MEGF11: variants seen among roughly 807,000 people sequenced by gnomAD.
MEGF11 encodes the protein multiple EGF like domains 11, also known as multiple epidermal growth factor-like domains protein 11.
MEGF11 carries 126 observed loss-of-function variants against 146.6 expected under a neutral mutation model. The observed-to-expected ratio is 0.86, with a 90% CI of 0.74 to 1.00. The LOEUF (loss-of-function observed/expected upper bound fraction) is 1.00, where lower values mean the gene tolerates loss of function less well. Among genes scored for constraint, MEGF11 ranks in the 50% least tolerant of loss-of-function variants. MEGF11 has a pLI of 0.00. For missense variants in MEGF11, 1,509 were observed against 1,521.2 expected (o/e 0.99, Z 0.13); for synonymous variants, 532 against 583.4 (o/e 0.91, Z 1.27).
chr15:66,098,734 T>G (rs2086655762), intron 4 of MEGF11, among the ~76,000 whole-genome samples: 1 of 152,204 alleles, frequency 6.6e-6, no homozygotes. Context: ...TAAAATGACC[T>G]ACATCCACGT....
At chr15:66,187,114 G>A (rs2090729687) in intron 1 of MEGF11, among the ~76,000 whole-genome samples, 1 of 152,236 alleles carries the variant, frequency 6.6e-6, no homozygotes, top group Admixed American at 6.5e-5. Context: ...ATGGAAAGCA[G>A]TTAATGTTTG....
At chr15:66,086,855 G>A (rs989182602) in intron 5 of MEGF11, among the ~76,000 whole-genome samples, 3 of 152,152 alleles carry the variant, frequency 2.0e-5, no homozygotes, top group African/African-American at 7.2e-5. Flanking sequence ...AATGTAATTG[G>A]CCTAAATGCT....
chr15:65,965,856 G>A (rs333552), intron 8 of MEGF11, among the ~76,000 whole-genome samples: 123,352 of 151,794 alleles, frequency 0.81, 51,311 homozygotes, highest in Non-Finnish European at 0.91. Flanking sequence ...AGAATTGACT[G>A]TTTTAACCAC....
chr15:65,945,855 C>G (rs113139869), intron 10 of MEGF11, among the ~76,000 whole-genome samples: 1 of 152,256 alleles, frequency 6.6e-6, no homozygotes, highest in East Asian at 1.9e-4. Context: ...TGGGTTTACC[C>G]GCAGCTCACA....
chr15:66,232,711 A>T (rs2091993823), intron 1 of MEGF11, among the ~76,000 whole-genome samples: 1 of 152,102 alleles, frequency 6.6e-6, no homozygotes, highest in Non-Finnish European at 1.5e-5. Flanking sequence ...TCATGCGCCA[A>T]ATGAAATGAG....
chr15:65,914,175 C>T (rs2078914821), intron 19 of MEGF11: 2 of 584,094 alleles, frequency 3.4e-6, no homozygotes, highest in Non-Finnish European at 6.1e-6. Flanking sequence ...AGGGTCATGA[C>T]AAGGAGCAAT....
chr15:66,181,259 A>G (rs1055954919), intron 1 of MEGF11, among the ~76,000 whole-genome samples: 2 of 152,218 alleles, frequency 1.3e-5, no homozygotes, highest in African/African-American at 4.8e-5. Flanking sequence ...TTGTTGAGAC[A>G]GGGTCTCACT....
At chr15:65,934,098 G>A (rs1362302083) in intron 10 of MEGF11, among the ~76,000 whole-genome samples, 1 of 152,154 alleles carries the variant, frequency 6.6e-6, no homozygotes, top group Non-Finnish European at 1.5e-5. Context: ...TATGGTCTTG[G>A]AGGACGGAAT....
chr15:66,043,020 C>T (rs1481597317), intron 5 of MEGF11, among the ~76,000 whole-genome samples: 1 of 152,234 alleles, frequency 6.6e-6, no homozygotes, highest in African/African-American at 2.4e-5. Flanking sequence ...TGTCTCAATC[C>T]TTCCGAATCA....
rs142255128 is a variant in MEGF11, at chr15:66,146,163, G to C, written c.-8-17752C>G. The stretch of plus-strand genomic sequence containing the variant: ...CTACAAAGTGAGGATGATAATTCCT[G>C]CTCTGATCTACCTCTAGGGTGGTTG... On this transcript the variant is annotated intron_variant, in intron 1 of 25. Coordinates refer to ENST00000395614, the MANE Select transcript of MEGF11 (RefSeq NM_001385028.1). Among the ~76,000 whole-genome samples, 51 of 152,282 alleles carry C rather than the reference G, an allele frequency of 3.3e-4. 2 individuals are homozygous for C. Among genetic ancestry groups the C allele is most frequent in the African/African-American group, 1.2e-3 (48 of 41,546 alleles).
At chr15:65,970,930 G>A in intron 7 of MEGF11, 1 of 554,242 alleles carries the variant, frequency 1.8e-6, no homozygotes, top group Non-Finnish European at 3.3e-6. Flanking sequence ...GGTGCTGTGT[G>A]AGACACTAGG....
intron 1 of MEGF11, among the ~76,000 whole-genome samples, chr15:66,198,716 C>G (rs2091073552): frequency 6.6e-6 from 1 of 152,058 alleles, no homozygotes; most frequent in Non-Finnish European, 1.5e-5. Context: ...AAACTCCTGA[C>G]CTCAAATGAT....
At chr15:66,094,631 G>GA (rs774425922) in intron 4 of MEGF11, 137 bp from the exon 5 acceptor site, 3 of 674,322 alleles carry the variant, frequency 4.4e-6, no homozygotes, top group East Asian at 2.9e-5. Flanking sequence ...GCTTGGGGGG[G>GA]AAAATCAAGC....
intron 1 of MEGF11, among the ~76,000 whole-genome samples, chr15:66,184,030 CTA>C (rs2090626947): frequency 6.6e-6 from 1 of 152,016 alleles, no homozygotes; most frequent in African/African-American, 2.4e-5. Flanking sequence ...AAAATGCATA[CTA>C]ATATATAAAA....
intron 1 of MEGF11, among the ~76,000 whole-genome samples, chr15:66,232,905 T>A (rs2091997843): frequency 6.6e-6 from 1 of 152,146 alleles, no homozygotes; most frequent in African/African-American, 2.4e-5. Flanking sequence ...GGTTAACTAG[T>A]TTCACCAATG....
At position 65,982,070 on chromosome 15, in the gene MEGF11, C is replaced by T. The variant is rs1279888512; in HGVS notation, c.641+172G>A. Among the ~76,000 whole-genome samples, 1 of 152,166 alleles carries T rather than the reference C, an allele frequency of 6.6e-6. No homozygotes were observed. Among genetic ancestry groups the T allele is most frequent in the East Asian group, 1.9e-4 (1 of 5,172 alleles). ...ACAGCCAAGACTATCCCTCCTGGTC[C>T]CACCACCCAGCCCACCCACAAGGAG... On this transcript the variant is annotated intron_variant, in intron 6 of 25. Coordinates refer to ENST00000395614, the MANE Select transcript of MEGF11 (RefSeq NM_001385028.1). This position sits in a 1 kb window ranked among gnomAD's most constrained non-coding sequence, Gnocchi z 5.6.
At chr15:66,121,460 A>G (rs2088020633) in intron 3 of MEGF11, among the ~76,000 whole-genome samples, 1 of 152,142 alleles carries the variant, frequency 6.6e-6, no homozygotes, top group Non-Finnish European at 1.5e-5. Context: ...ATCTAGGGGG[A>G]AATATACAAA....
chr15:65,968,318 GC>G (rs2081184326), intron 8 of MEGF11, among the ~76,000 whole-genome samples: 1 of 152,204 alleles, frequency 6.6e-6, no homozygotes, highest in Admixed American at 6.5e-5. Context: ...AAGTCACTGT[GC>G]TTTGCTGGCC....
chr15:66,232,881 C>A (rs1428954691), intron 1 of MEGF11, among the ~76,000 whole-genome samples: 2 of 152,152 alleles, frequency 1.3e-5, no homozygotes, highest in African/African-American at 2.4e-5. Context: ...GATGAGGAAA[C>A]AGAGGCTCAG....
Sources: allele counts gnomAD v4.1 joint callset (sites outside exome capture counted in the v4.1 genomes callset), GRCh38; gene constraint gnomAD v4.1.1; non-coding constraint Gnocchi (gnomAD v3.1); transcripts MANE v1.5; gene names NCBI Gene and HGNC (gene_info 2026-07-23, HGNC 2026-07-21).